Variants in ASTN2 observed in about 807,000 individuals in gnomAD.
ASTN2 encodes astrotactin 2.
In ASTN2, 54 loss-of-function variants were observed where a neutral mutation model predicts 139.8. The observed-to-expected ratio is 0.39, with a 90% confidence interval of 0.31 to 0.48. The LOEUF (loss-of-function observed/expected upper bound fraction) is 0.48, where lower values mean the gene tolerates loss of function less well. ASTN2 is among the 20% of genes least tolerant of loss of function. ASTN2 has a pLI of 0.95. For missense variants in ASTN2, 1,565 were observed against 1,725.1 expected (o/e 0.91, Z 1.64); for synonymous variants, 756 against 719.5 (o/e 1.05, Z -0.81).
intron 20 of ASTN2, among the ~76,000 whole-genome samples, chr9:116,444,218 G>A (rs1055418997): frequency 6.6e-6 from 1 of 152,104 alleles, no homozygotes; most frequent in African/African-American, 2.4e-5. Flanking sequence ...ATTCATACAT[G>A]CAACCACTGT....
intron 16 of ASTN2, among the ~76,000 whole-genome samples, chr9:116,705,093 T>G (rs997596660): frequency 1.9e-4 from 29 of 152,330 alleles, no homozygotes; most frequent in African/African-American, 6.5e-4. Context: ...GTTAAGTGGT[T>G]AAAGCTTGAG....
chr9:117,175,370 C>A (rs907734438), intron 3 of ASTN2, among the ~76,000 whole-genome samples: 11 of 152,056 alleles, frequency 7.2e-5, no homozygotes, highest in African/African-American at 2.4e-4. Context: ...GTGAATTTTG[C>A]AAGTGAGTCT....
chr9:117,156,729 T>G (rs935719452), intron 3 of ASTN2, among the ~76,000 whole-genome samples: 4 of 152,042 alleles, frequency 2.6e-5, no homozygotes, highest in Non-Finnish European at 4.4e-5. Context: ...ATTAAAGCAT[T>G]TGATAAACGT....
At chr9:117,373,136 C>T (rs777790744) in intron 1 of ASTN2, among the ~76,000 whole-genome samples, 12 of 152,102 alleles carry the variant, frequency 7.9e-5, no homozygotes, top group South Asian at 4.1e-4. Flanking sequence ...GTATGAGCCA[C>T]GCATTTAAAA....
intron 11 of ASTN2, among the ~76,000 whole-genome samples, chr9:116,840,577 C>T (rs1252853051): frequency 1.2e-4 from 13 of 105,012 alleles, no homozygotes; most frequent in Admixed American, 3.0e-4. Flanking sequence ...ACCTCCCTCC[C>T]GGACGAGGTG....
At chr9:117,297,530 C>A (rs1834765991) in intron 1 of ASTN2, among the ~76,000 whole-genome samples, 1 of 152,184 alleles carries the variant, frequency 6.6e-6, no homozygotes, top group Non-Finnish European at 1.5e-5. Context: ...GAAGAGGAGA[C>A]ATACTCAGGA....
chr9:117,135,531 C>T (rs931758306), intron 4 of ASTN2, among the ~76,000 whole-genome samples: 1 of 152,224 alleles, frequency 6.6e-6, no homozygotes, highest in African/African-American at 2.4e-5. Context: ...CAATTACTAT[C>T]CCAAGCCAGT....
intron 1 of ASTN2, among the ~76,000 whole-genome samples, chr9:117,336,242 G>T (rs1055757436): frequency 6.6e-6 from 1 of 152,160 alleles, no homozygotes; most frequent in Non-Finnish European, 1.5e-5. Flanking sequence ...GCTCCCAAGA[G>T]ACTGTATGGG....
chr9:116,442,642 T>G, intron 20 of ASTN2, 89 bp from the exon 21 acceptor site: 1 of 1,003,242 alleles, frequency 1.0e-6, no homozygotes, highest in South Asian at 1.3e-5. Context: ...TCATGGCACA[T>G]GAGGCTACAG....
intron 1 of ASTN2, among the ~76,000 whole-genome samples, chr9:117,325,870 C>T (rs903895769): frequency 5.3e-5 from 8 of 152,204 alleles, no homozygotes; most frequent in South Asian, 2.1e-4. Context: ...CCAAACTCAA[C>T]GCTGTCAGTC....
At chr9:117,060,622 A>T (rs1415880912) in intron 5 of ASTN2, among the ~76,000 whole-genome samples, 1 of 150,146 alleles carries the variant, frequency 6.7e-6, no homozygotes, top group Non-Finnish European at 1.5e-5. Context: ...GGCCAGGGGC[A>T]GTGGCTCACA....
chr9:116,656,769 C>T (rs756161594), intron 16 of ASTN2, among the ~76,000 whole-genome samples: 21 of 151,166 alleles, frequency 1.4e-4, no homozygotes, highest in Non-Finnish European at 2.9e-4. Flanking sequence ...GAGATGATGG[C>T]ACCGCTTGCC....
intron 1 of ASTN2, among the ~76,000 whole-genome samples, chr9:117,410,663 C>T (rs1483366852): frequency 6.6e-6 from 1 of 152,128 alleles, no homozygotes; most frequent in Non-Finnish European, 1.5e-5. Flanking sequence ...TCCACTTTTC[C>T]TCATTTTGCC....
intron 19 of ASTN2, among the ~76,000 whole-genome samples, chr9:116,576,255 T>C (rs1004811881): frequency 6.6e-6 from 1 of 152,148 alleles, no homozygotes; most frequent in African/African-American, 2.4e-5. Flanking sequence ...TGACTAGGCA[T>C]ACGACCTGGT....
intron 1 of ASTN2, among the ~76,000 whole-genome samples, chr9:117,316,867 C>A (rs17404479): frequency 2.0e-5 from 3 of 152,140 alleles, no homozygotes; most frequent in Non-Finnish European, 2.9e-5. Context: ...CTGGGCCCAA[C>A]GAAGGTCAGA....
At chr9:116,883,766 T>G (rs372370391) in intron 10 of ASTN2, among the ~76,000 whole-genome samples, 148 of 152,314 alleles carry the variant, frequency 9.7e-4, no homozygotes, top group African/African-American at 3.2e-3. Flanking sequence ...TGCAGACTGA[T>G]GCAGGCCAGG....
chr9:117,255,067 GC>G, intron 2 of ASTN2, among the ~76,000 whole-genome samples: 1 of 152,268 alleles, frequency 6.6e-6, no homozygotes, highest in Middle Eastern at 3.4e-3. Flanking sequence ...AGTTCTTCTG[GC>G]TGAAGAGGTG....
intron 16 of ASTN2, among the ~76,000 whole-genome samples, chr9:116,713,507 A>G (rs1017343455): frequency 3.9e-5 from 6 of 152,270 alleles, no homozygotes; most frequent in Admixed American, 2.6e-4. Context: ...GCTGGTCAGC[A>G]TCATGCAGGC....
chr9:116,560,792 A>G (rs1461803710), intron 19 of ASTN2, among the ~76,000 whole-genome samples: 1 of 152,172 alleles, frequency 6.6e-6, no homozygotes, highest in Non-Finnish European at 1.5e-5. Flanking sequence ...AGGCATGAAC[A>G]TTATGTTAGG....
Sources: allele counts gnomAD v4.1 joint callset (sites outside exome capture counted in the v4.1 genomes callset), GRCh38; gene constraint gnomAD v4.1.1; transcripts MANE v1.5; gene names NCBI Gene and HGNC (gene_info 2026-07-23, HGNC 2026-07-21).